The following PRELID2 variants were observed in gnomAD, a reference collection of about 807,000 sequenced individuals.
The protein encoded by PRELID2 is PRELI domain-containing protein 2.
A neutral mutation model predicts 28.4 loss-of-function variants in PRELID2; 25 were observed. The observed-to-expected ratio is 0.88, with a 90% CI of 0.64 to 1.23. PRELID2 has a LOEUF of 1.23. Among genes scored for constraint, PRELID2 ranks in the 50% most tolerant of loss-of-function variants. The probability of loss-of-function intolerance (pLI) is 0.00; values close to 1 mark genes in which losing one functional copy is unlikely to be tolerated. For missense variants in PRELID2, 201 were observed against 214.4 expected, an observed-to-expected ratio of 0.94 and a Z score of 0.39; for synonymous variants, 76 against 71.6, an observed-to-expected ratio of 1.06 and a Z score of -0.31.
chr5:145,335,843 C>A, the PRELID2 span, among the ~76,000 whole-genome samples: 2 of 152,076 alleles, frequency 1.3e-5, no homozygotes, highest in African/African-American at 4.8e-5. Flanking sequence ...CTGAGGAATC[C>A]CCACACTGAC....
chr5:145,817,218 AAAAT>A (rs1754402124), intron 4 of PRELID2, among the ~76,000 whole-genome samples: 2 of 62,154 alleles, frequency 3.2e-5, no homozygotes, highest in African/African-American at 9.0e-5. Context: ...TAAATAAAAA[AAAAT>A]ATATATATAT....
At chr5:145,555,542 G>A (rs973474766) in intron 1 of PRELID2, among the ~76,000 whole-genome samples, 2 of 152,172 alleles carry the variant, frequency 1.3e-5, no homozygotes, top group African/African-American at 4.8e-5. Context: ...ATTTGGGGTA[G>A]CATTATCACA....
intron 1 of PRELID2, among the ~76,000 whole-genome samples, chr5:145,496,235 T>C: frequency 6.6e-6 from 1 of 152,138 alleles, no homozygotes; most frequent in Middle Eastern, 3.2e-3. Flanking sequence ...TCTGGCTCTA[T>C]TTTAGACTTG....
At chr5:145,276,142 A>C in the PRELID2 span, among the ~76,000 whole-genome samples, 1 of 152,160 alleles carries the variant, frequency 6.6e-6, no homozygotes, top group African/African-American at 2.4e-5. Context: ...TTTGTTGATT[A>C]ATTCCTCTTT....
chr5:145,627,523 C>T (rs1753868679), intron 1 of PRELID2, among the ~76,000 whole-genome samples: 1 of 152,120 alleles, frequency 6.6e-6, no homozygotes, highest in East Asian at 1.9e-4. Flanking sequence ...CCAGAACTAA[C>T]CATCTCTCAC....
the PRELID2 span, among the ~76,000 whole-genome samples, chr5:145,284,505 T>C: frequency 6.6e-6 from 1 of 152,160 alleles, no homozygotes; most frequent in South Asian, 2.1e-4. Context: ...CTCAAGACTT[T>C]TTTTTTCTAT....
chr5:145,229,893 A>G, the PRELID2 span: 1 of 750,754 alleles, frequency 1.3e-6, no homozygotes, highest in Non-Finnish European at 2.5e-6. Context: ...CCAGGTGTAC[A>G]TCCTTGGCTG....
At chr5:145,570,823 C>T (rs140382441) in intron 1 of PRELID2, among the ~76,000 whole-genome samples, 2 of 152,256 alleles carry the variant, frequency 1.3e-5, no homozygotes, top group African/African-American at 4.8e-5. Flanking sequence ...CAAGTCATAA[C>T]ACTCCTCTAC....
At chr5:145,821,764 G>GC (rs1754849150) in intron 2 of PRELID2, among the ~76,000 whole-genome samples, 1 of 152,174 alleles carries the variant, frequency 6.6e-6, no homozygotes, top group Non-Finnish European at 1.5e-5. Context: ...AGGCAAAGAT[G>GC]CCCCTGACGA....
At chr5:145,582,739 G>T (rs1299688982) in intron 1 of PRELID2, among the ~76,000 whole-genome samples, 3 of 151,928 alleles carry the variant, frequency 2.0e-5, no homozygotes. Flanking sequence ...TCCCAAGACT[G>T]AACCAGGAAG....
the PRELID2 span, among the ~76,000 whole-genome samples, chr5:145,298,025 A>G: frequency 0.41 from 61,592 of 151,716 alleles, 13,479 homozygotes; most frequent in African/African-American, 0.57. Flanking sequence ...AATCAATATC[A>G]TGAAAATGGC....
chr5:145,748,160 C>T (rs1757040412), intron 1 of PRELID2, among the ~76,000 whole-genome samples: 1 of 152,092 alleles, frequency 6.6e-6, no homozygotes, highest in Admixed American at 6.6e-5. Flanking sequence ...CTGGCCAGGG[C>T]AATCAGGCAA....
At chr5:145,311,686 T>A in the PRELID2 span, among the ~76,000 whole-genome samples, 1 of 152,320 alleles carries the variant, frequency 6.6e-6, no homozygotes, top group Non-Finnish European at 1.5e-5. Context: ...TTAAATAGCA[T>A]GGTAAACAAA....
At chr5:145,341,667 G>A in the PRELID2 span, among the ~76,000 whole-genome samples, 3 of 147,576 alleles carry the variant, frequency 2.0e-5, no homozygotes, top group South Asian at 2.1e-4. Flanking sequence ...AGCTAAGAAA[G>A]AACTTGAAGA....
rs377427984 is a variant in PRELID2, at chr5:145,533,702, C to T, written n.71-60387G>A. 1.4e-4 allele frequency among the ~76,000 whole-genome samples: 22 copies of T among 152,136 alleles called. 1 individual carries two copies. The South Asian group carries it at 3.7e-3, about 26-fold the overall frequency. On this transcript the variant is annotated intron_variant and non_coding_transcript_variant, in intron 1 of 2. Coordinates refer to the PRELID2 transcript ENST00000510259. ...ATTTCCCTCTTAAATACTGTATTCCCTCTTTTTGATATGTTTGTTCAAGTT... is the reference window on the plus strand; with the variant it reads ...ATTTCCCTCTTAAATACTGTATTCCTTCTTTTTGATATGTTTGTTCAAGTT...
At chr5:145,562,080 G>A (rs879458175) in intron 1 of PRELID2, among the ~76,000 whole-genome samples, 3 of 152,172 alleles carry the variant, frequency 2.0e-5, no homozygotes, top group Non-Finnish European at 4.4e-5. Flanking sequence ...TTGTGGATTA[G>A]ATCTCATTTT....
intron 1 of PRELID2, among the ~76,000 whole-genome samples, chr5:145,656,386 G>A (rs1754393790): frequency 6.6e-6 from 1 of 152,132 alleles, no homozygotes; most frequent in African/African-American, 2.4e-5. Context: ...ATTTGACCCA[G>A]CCATCCTATT....
intron 5 of PRELID2, among the ~76,000 whole-genome samples, chr5:145,771,665 A>C (rs892436293): frequency 1.3e-5 from 2 of 152,008 alleles, no homozygotes; most frequent in Admixed American, 6.6e-5. Flanking sequence ...AGACCAGCCT[A>C]ACCAACATGG....
chr5:145,798,972 T>A (rs1304174315), intron 4 of PRELID2, among the ~76,000 whole-genome samples: 1 of 151,822 alleles, frequency 6.6e-6, no homozygotes, highest in East Asian at 1.9e-4. Context: ...TGTATACCTA[T>A]GCATCAAACC....
Sources: allele counts gnomAD v4.1 joint callset (sites outside exome capture counted in the v4.1 genomes callset), GRCh38; gene constraint gnomAD v4.1.1; transcripts MANE v1.5; gene names NCBI Gene and HGNC (gene_info 2026-07-23, HGNC 2026-07-21).